Variants in CREB5 observed in about 807,000 individuals in gnomAD.
CREB5 encodes cyclic AMP-responsive element-binding protein 5.
In CREB5, 19 loss-of-function variants were observed where a neutral mutation model predicts 57.1. The ratio of observed to expected loss-of-function variants is 0.33; its 90% CI spans 0.23 to 0.49. The LOEUF (loss-of-function observed/expected upper bound fraction) is 0.49, where lower values mean the gene tolerates loss of function less well. CREB5 is among the 20% of genes least tolerant of loss of function. The pLI is 0.99. For synonymous variants in CREB5, 238 were observed against 238.3 expected, an observed-to-expected ratio of 1.00 and a Z score of 0.01; for missense variants, 579 against 671.6, an observed-to-expected ratio of 0.86 and a Z score of 1.52.
intron 5 of CREB5, among the ~76,000 whole-genome samples, chr7:28,700,511 A>G (rs1008086593): frequency 6.6e-6 from 1 of 151,898 alleles, no homozygotes; most frequent in Non-Finnish European, 1.5e-5. Flanking sequence ...AAAGTTTAAC[A>G]ACAACAACAA....
chr7:28,646,676 A>G (rs1399915329), intron 5 of CREB5, among the ~76,000 whole-genome samples: 1 of 152,224 alleles, frequency 6.6e-6, no homozygotes, highest in African/African-American at 2.4e-5. Flanking sequence ...CAGAAAGGAA[A>G]GAATATTTTT....
intron 4 of CREB5, among the ~76,000 whole-genome samples, chr7:28,560,913 TGCGTGTGTGCGCGTGCGTGTGTGCGTGC>T (rs1795174927): frequency 1.4e-4 from 3 of 21,950 alleles, no homozygotes; most frequent in East Asian, 8.7e-4. Flanking sequence ...CGCGTGCGTG[TGCGTGTGTGCGCGTGCGTGTGTGCGTGC>T]GTGTGTGTGC....
chr7:28,655,961 G>A (rs1322050215), intron 5 of CREB5, among the ~76,000 whole-genome samples: 8 of 151,746 alleles, frequency 5.3e-5, no homozygotes, highest in Non-Finnish European at 1.2e-4. Context: ...AGTTAGAGCT[G>A]GACAAAGAAA....
At chr7:28,498,028 A>G (rs1480340145) in intron 3 of CREB5, among the ~76,000 whole-genome samples, 1 of 152,112 alleles carries the variant, frequency 6.6e-6, no homozygotes, top group Non-Finnish European at 1.5e-5. Flanking sequence ...GAGTTTTAGA[A>G]TTAGTTCTCT....
At chr7:28,560,842 G>GCGCGCGTGCA in intron 4 of CREB5, among the ~76,000 whole-genome samples, 3 of 111,308 alleles carry the variant, frequency 2.7e-5, no homozygotes, top group African/African-American at 1.1e-4. Context: ...GCGTGTGTGT[G>GCGCGCGTGCA]TGCGCGTGTG....
At chr7:28,786,921 C>T (rs1255751805) in intron 7 of CREB5, among the ~76,000 whole-genome samples, 1 of 152,100 alleles carries the variant, frequency 6.6e-6, no homozygotes, top group African/African-American at 2.4e-5. Flanking sequence ...TTTTGGAGAA[C>T]TTCGTAGGGT....
chr7:28,588,963 C>A (rs1349835828), intron 5 of CREB5, among the ~76,000 whole-genome samples: 1 of 152,158 alleles, frequency 6.6e-6, no homozygotes, highest in African/African-American at 2.4e-5. Flanking sequence ...TCTCTTCCCA[C>A]CTGCCCAGCT....
intron 1 of CREB5, among the ~76,000 whole-genome samples, chr7:28,388,176 T>C (rs1308955676): frequency 6.6e-6 from 1 of 152,192 alleles, no homozygotes; most frequent in Non-Finnish European, 1.5e-5. Context: ...TTAGATTAAT[T>C]TGTTGGCCTA....
At chr7:28,755,424 A>C (rs983442890) in intron 7 of CREB5, among the ~76,000 whole-genome samples, 10 of 152,324 alleles carry the variant, frequency 6.6e-5, no homozygotes, top group Admixed American at 6.5e-4. Flanking sequence ...TGAGTTGAGA[A>C]GTCAATTCCT....
rs947833883 is a variant in CREB5, at chr7:28,436,284, C to T, written c.3+23367C>T. Reference sequence around the variant, plus strand: ...GTGTACATTTGTGCATATGGCCTTTCCACTTATGTTTTCCAATGTTTCTTA... The same window carrying T: ...GTGTACATTTGTGCATATGGCCTTTTCACTTATGTTTTCCAATGTTTCTTA... On this transcript the variant is annotated intron_variant, in intron 1 of 10. Transcript: ENST00000357727. Among the ~76,000 whole-genome samples, 56 of 152,206 alleles carry T rather than the reference C, an allele frequency of 3.7e-4. 1 individual carries two copies. Among genetic ancestry groups the T allele is most frequent in the African/African-American group, 1.3e-3 (54 of 41,522 alleles).
intron 7 of CREB5, among the ~76,000 whole-genome samples, chr7:28,733,776 G>A (rs1239019854): frequency 6.6e-6 from 1 of 152,114 alleles, no homozygotes; most frequent in South Asian, 2.1e-4. Flanking sequence ...GTACTTGCTA[G>A]GTGCCCAGTA....
chr7:28,366,134 C>A (rs973095870), intron 1 of CREB5, among the ~76,000 whole-genome samples: 1 of 152,062 alleles, frequency 6.6e-6, no homozygotes, highest in Non-Finnish European at 1.5e-5. Flanking sequence ...TCAACTTCAC[C>A]CGCAAAAAAT....
chr7:28,685,752 T>A (rs915702186), intron 5 of CREB5, among the ~76,000 whole-genome samples: 9 of 151,532 alleles, frequency 5.9e-5, no homozygotes, highest in African/African-American at 2.2e-4. Context: ...GGGTCCCTCT[T>A]GGAGCTCTCT....
At chr7:28,726,981 C>T (rs1033756791) in intron 7 of CREB5, among the ~76,000 whole-genome samples, 1 of 151,838 alleles carries the variant, frequency 6.6e-6, no homozygotes, top group African/African-American at 2.4e-5. Flanking sequence ...GTAGTGATTG[C>T]CCATTAGAAT....
rs1198776182 is a variant in CREB5 at position 28,825,156 on chromosome 7, A to C, written c.*5877A>C. ...TTCTAGTTTTCTCCTTTAGAATACC[A>C]ATGCCACAGACACTACAGGAGATAA... On this transcript the variant is annotated 3_prime_UTR_variant, in exon 11 of 11. Coordinates refer to ENST00000357727, the MANE Select transcript of CREB5 (RefSeq NM_182898.4). The C allele has an allele frequency of 6.6e-6, 1 of 152,668 alleles. No homozygotes were observed. The highest frequency in any genetic ancestry group is 1.5e-5 in the Non-Finnish European group (1 of 68,034). 9.5% of individuals were successfully genotyped at this position (152,668 alleles called of 1,614,324 possible).
chr7:28,679,239 A>G (rs1306612538), intron 5 of CREB5, among the ~76,000 whole-genome samples: 1 of 152,130 alleles, frequency 6.6e-6, no homozygotes, highest in Non-Finnish European at 1.5e-5. Flanking sequence ...TTTTGAACTT[A>G]TCATGTGCAA....
At chr7:28,431,259 A>G (rs1788701045) in intron 1 of CREB5, among the ~76,000 whole-genome samples, 2 of 152,244 alleles carry the variant, frequency 1.3e-5, no homozygotes, top group African/African-American at 4.8e-5. Flanking sequence ...AGTTTGTACC[A>G]GAGGACGGGT....
intron 5 of CREB5, among the ~76,000 whole-genome samples, chr7:28,690,326 G>A (rs1377778238): frequency 6.6e-6 from 1 of 152,168 alleles, no homozygotes; most frequent in Non-Finnish European, 1.5e-5. Context: ...GCAGAACAGT[G>A]CCAGCTGTCC....
intron 7 of CREB5, among the ~76,000 whole-genome samples, chr7:28,764,364 A>G (rs1805838073): frequency 6.6e-6 from 1 of 151,714 alleles, no homozygotes; most frequent in Non-Finnish European, 1.5e-5. Context: ...TCCTGTAAAA[A>G]AAAAAACTGA....
Sources: allele counts gnomAD v4.1 joint callset (sites outside exome capture counted in the v4.1 genomes callset), GRCh38; gene constraint gnomAD v4.1.1; transcripts MANE v1.5; gene names NCBI Gene and HGNC (gene_info 2026-07-23, HGNC 2026-07-21).